SLC22A23: variants seen among roughly 807,000 people sequenced by gnomAD.
SLC22A23 encodes ion transporter protein.
In SLC22A23, 26 loss-of-function variants were observed where a neutral mutation model predicts 61.0. That is an observed-to-expected ratio of 0.43 (90% CI 0.31 to 0.59). The LOEUF is 0.59. SLC22A23 is among the 20% of genes least tolerant of loss of function. The pLI, the probability that SLC22A23 is intolerant of heterozygous loss-of-function variation, is 0.11. For synonymous variants in SLC22A23, 430 were observed against 413.9 expected (o/e 1.04, Z -0.47); for missense variants, 796 against 934.7 (o/e 0.85, Z 1.94).
chr6:3,433,658 C>T (rs1771014030), intron 1 of SLC22A23, among the ~76,000 whole-genome samples: 1 of 152,146 alleles, frequency 6.6e-6, no homozygotes, highest in Non-Finnish European at 1.5e-5. Flanking sequence ...AACAACCCTG[C>T]GTCCATCACC....
chr6:3,440,450 G>A (rs763381929), intron 1 of SLC22A23, among the ~76,000 whole-genome samples: 1 of 152,092 alleles, frequency 6.6e-6, no homozygotes, highest in Non-Finnish European at 1.5e-5. Context: ...GCTCATGCCT[G>A]TAATCCCAGC....
At chr6:3,430,696 G>A (rs1040969625) in intron 1 of SLC22A23, among the ~76,000 whole-genome samples, 8 of 152,160 alleles carry the variant, frequency 5.3e-5, no homozygotes, top group Admixed American at 2.0e-4. Context: ...AGTGTGCCCC[G>A]GCCAGCCTTA....
At chr6:3,337,445 CCTT>C (rs1367405328) in intron 3 of SLC22A23, among the ~76,000 whole-genome samples, 1 of 145,946 alleles carries the variant, frequency 6.9e-6, no homozygotes, top group Non-Finnish European at 1.5e-5. Flanking sequence ...GTTACAATTC[CCTT>C]TTTTTTTTTT....
chr6:3,445,072 C>T (rs1446255085), intron 1 of SLC22A23: 16 of 706,332 alleles, frequency 2.3e-5, no homozygotes, highest in Non-Finnish European at 2.3e-5. Context: ...CTCACAATGG[C>T]CCTCAAGGTC....
chr6:3,410,373 C>T lies in SLC22A23; in HGVS notation c.759-31G>A. On this transcript the variant is annotated intron_variant, in intron 2 of 9. Transcript: ENST00000406686. This position sits in a 1 kb window ranked among gnomAD's most constrained non-coding sequence, Gnocchi z 5.0. The stretch of plus-strand genomic sequence containing the variant: ...TATGGAGAGGGAAAAAGTTAGGAAT[C>T]ATTGTGAAACAAGACAATGACGCTA... 6.5e-7 allele frequency: 1 copy of T among 1,546,458 alleles called. No homozygotes were observed. The highest frequency in any genetic ancestry group is 8.7e-7 in the Non-Finnish European group (1 of 1,145,838).
intron 3 of SLC22A23, among the ~76,000 whole-genome samples, chr6:3,379,091 T>C (rs985407254): frequency 6.6e-6 from 1 of 152,206 alleles, no homozygotes; most frequent in African/African-American, 2.4e-5. Flanking sequence ...TGCCCTGTTT[T>C]CTCCACAGTG....
In SLC22A23 at chr6:3,324,045, G is replaced by A. The variant is rs549223955; in HGVS notation, c.914-43C>T. The A allele has an allele frequency of 1.0e-5, 16 of 1,598,324 alleles. No individual in the cohort carries two copies. Among genetic ancestry groups the A allele is most frequent in the Middle Eastern group, 1.7e-4 (1 of 6,000 alleles). On this transcript the variant is annotated intron_variant, in intron 3 of 9. Coordinates refer to ENST00000406686, the MANE Select transcript of SLC22A23 (RefSeq NM_015482.2). The surrounding 1 kb of genome is among the most constrained non-coding windows in gnomAD (Gnocchi z 4.3). ...TGAGAGAGAGATGAGTGCCCTGCTCGACAGCCCGAGAAGTCCTGGGTGCAC... is the reference window on the plus strand; with the variant it reads ...TGAGAGAGAGATGAGTGCCCTGCTCAACAGCCCGAGAAGTCCTGGGTGCAC...
chr6:3,321,705 T>TG (rs1561896347), intron 4 of SLC22A23, among the ~76,000 whole-genome samples: 1 of 151,978 alleles, frequency 6.6e-6, no homozygotes, highest in Non-Finnish European at 1.5e-5. Context: ...CTGGGACAGG[T>TG]GGGTGCAGAG....
rs140640204 is a variant in SLC22A23, at chr6:3,448,263, C to T, written c.654+7643G>A. Among the ~76,000 whole-genome samples the T allele has an allele frequency of 8.4e-4, 127 of 152,034 alleles. 1 individual carries two copies. The highest frequency in any genetic ancestry group is 2.6e-3 in the African/African-American group (107 of 41,460). The stretch of plus-strand genomic sequence containing the variant: ...ATTAGTGTGATAAATGTTTAACAAC[C>T]GGCTCTATGAAGAAAAAAAACCCTG... On this transcript the variant is annotated intron_variant, in intron 1 of 9. Coordinates refer to ENST00000406686, the MANE Select transcript of SLC22A23 (RefSeq NM_015482.2).
intron 1 of SLC22A23, among the ~76,000 whole-genome samples, chr6:3,440,706 CAGA>C (rs1561984866): frequency 2.8e-4 from 19 of 68,498 alleles, no homozygotes; most frequent in Non-Finnish European, 2.5e-4. Context: ...GACTCCGTCT[CAGA>C]AAAAAAAAAA....
rs190076473 is a variant in SLC22A23 at position 3,282,955 on chromosome 6, A to G, written c.1703+897T>C. On this transcript the variant is annotated intron_variant, in intron 9 of 9. Transcript: ENST00000406686. ...AAGTGGCTGAGCACAGGTTAGTCAC[A>G]CCTTTTAGGGAGGTATGAAATGGCC... Among the ~76,000 whole-genome samples, 3 of 152,204 alleles carry G rather than the reference A, an allele frequency of 2.0e-5. No homozygotes were observed. The East Asian group carries it at 5.8e-4, about 29-fold the overall frequency.
At chr6:3,349,109 C>T (rs984340409) in intron 3 of SLC22A23, among the ~76,000 whole-genome samples, 10 of 152,252 alleles carry the variant, frequency 6.6e-5, no homozygotes, top group African/African-American at 2.2e-4. Context: ...GCTGCCTTTT[C>T]TGCAAACAGC....
At chr6:3,395,002 T>C (rs73343654) in intron 3 of SLC22A23, among the ~76,000 whole-genome samples, 1,612 of 152,178 alleles carry the variant, frequency 0.011, 35 homozygotes, top group African/African-American at 0.037. Context: ...CGGGCAGGTA[T>C]GAGGCAGGGA....
At chr6:3,405,618 A>AATT (rs1554152753) in intron 3 of SLC22A23, among the ~76,000 whole-genome samples, 5 of 144,334 alleles carry the variant, frequency 3.5e-5, no homozygotes, top group African/African-American at 1.3e-4. Context: ...GCTCAGTCAA[A>AATT]TTTTTTTTTT....
chr6:3,292,501 G>C (rs1340848740), intron 5 of SLC22A23, among the ~76,000 whole-genome samples: 1 of 152,202 alleles, frequency 6.6e-6, no homozygotes, highest in Non-Finnish European at 1.5e-5. Flanking sequence ...TCGAGACAGA[G>C]GAGGAGGAGG....
At chr6:3,418,437 A>T (rs1167184267) in intron 1 of SLC22A23, among the ~76,000 whole-genome samples, 1 of 152,234 alleles carries the variant, frequency 6.6e-6, no homozygotes, top group African/African-American at 2.4e-5. Context: ...CTGAGCAATG[A>T]CCAGACCTGG....
chr6:3,406,031 G>T (rs1050401598), intron 3 of SLC22A23, among the ~76,000 whole-genome samples: 18 of 152,156 alleles, frequency 1.2e-4, no homozygotes, highest in African/African-American at 3.6e-4. Flanking sequence ...CAAGAAAATT[G>T]TTCATTGTTG....
intron 9 of SLC22A23, 132 bp from the exon 10 acceptor site, chr6:3,273,544 C>A: frequency 1.2e-6 from 1 of 864,992 alleles, no homozygotes; most frequent in South Asian, 1.6e-5. Context: ...TATACCCCGA[C>A]CTCACACGTC....
intron 4 of SLC22A23, among the ~76,000 whole-genome samples, chr6:3,300,457 G>A (rs920645754): frequency 2.6e-5 from 4 of 152,124 alleles, no homozygotes; most frequent in African/African-American, 7.2e-5. Context: ...TCATGAGAAC[G>A]GGAGGCTGAA....
Sources: gnomAD v4.1 joint callset for allele counts (sites outside exome capture counted in the v4.1 genomes callset) on GRCh38, gnomAD v4.1.1 for gene constraint, Gnocchi (gnomAD v3.1) non-coding constraint, MANE v1.5 for transcripts, NCBI Gene and HGNC (gene_info 2026-07-23, HGNC 2026-07-21) for gene names.